Variants in COX10 observed in about 807,000 individuals in gnomAD.
COX10 encodes cytochrome c oxidase assembly factor heme A:farnesyltransferase COX10, also known as protoheme IX farnesyltransferase, mitochondrial.
COX10 carries 27 observed loss-of-function variants against 37.3 expected under a neutral mutation model. That is an observed-to-expected ratio of 0.72 (90% CI 0.53 to 1.00). The LOEUF (loss-of-function observed/expected upper bound fraction) is 1.00, where lower values mean the gene tolerates loss of function less well. Among genes scored for constraint, COX10 ranks in the 50% least tolerant of loss-of-function variants. The pLI is 0.00. For synonymous variants in COX10, 222 were observed against 229.1 expected (o/e 0.97, Z 0.28); for missense variants, 475 against 563.2 (o/e 0.84, Z 1.59).
chr17:14,149,130 C>T lies in COX10; in HGVS notation c.625-10747C>T, dbSNP rs539773760. Among the ~76,000 whole-genome samples, 5 of 151,338 alleles carry T rather than the reference C, an allele frequency of 3.3e-5. No homozygotes were observed. The South Asian group carries it at 1.0e-3, about 32-fold the overall frequency. On this transcript the variant is annotated intron_variant, in intron 4 of 6. Transcript: ENST00000261643. ...ATTTATCCATTGGTATAATCATGCCCTAGATTTTTGTCATGTGAGTATGAG... is the reference window on the plus strand; with the variant it reads ...ATTTATCCATTGGTATAATCATGCCTTAGATTTTTGTCATGTGAGTATGAG...
intron 5 of COX10, among the ~76,000 whole-genome samples, chr17:14,169,893 CATGA>C (rs1484315976): frequency 6.6e-6 from 1 of 152,146 alleles, no homozygotes; most frequent in African/African-American, 2.4e-5. Flanking sequence ...TCAGATTCTT[CATGA>C]ATGGCTTGGT....
intron 5 of COX10, among the ~76,000 whole-genome samples, chr17:14,185,672 C>T (rs1906003207): frequency 6.6e-6 from 1 of 151,392 alleles, no homozygotes; most frequent in Admixed American, 6.6e-5. Flanking sequence ...TTAACAGTTC[C>T]AAAGAGAGTC....
At chr17:14,139,342 C>G (rs1168612276) in intron 4 of COX10, among the ~76,000 whole-genome samples, 1 of 152,050 alleles carries the variant, frequency 6.6e-6, no homozygotes, top group Admixed American at 6.6e-5. Context: ...CATTAATTAA[C>G]GCTCATAATA....
At chr17:14,148,278 TCTTA>T (rs1245175050) in intron 4 of COX10, among the ~76,000 whole-genome samples, 2 of 151,874 alleles carry the variant, frequency 1.3e-5, no homozygotes, top group African/African-American at 4.8e-5. Context: ...TGGGAAGGAG[TCTTA>T]CTTAGTTTGT....
chr17:14,140,006 A>G (rs535323126), intron 4 of COX10, among the ~76,000 whole-genome samples: 1 of 152,286 alleles, frequency 6.6e-6, no homozygotes, highest in African/African-American at 2.4e-5. Context: ...CCATCTTTAC[A>G]AGGAACTTTC....
At chr17:14,100,813 G>A (rs1236840200) in intron 3 of COX10, among the ~76,000 whole-genome samples, 1 of 115,210 alleles carries the variant, frequency 8.7e-6, no homozygotes, top group Non-Finnish European at 1.8e-5. Flanking sequence ...AAGGAGACCA[G>A]TTAGGGGGTA....
intron 2 of COX10, among the ~76,000 whole-genome samples, chr17:14,076,416 G>A (rs1165547179): frequency 6.6e-6 from 1 of 150,560 alleles, no homozygotes; most frequent in Non-Finnish European, 1.5e-5. Context: ...TATTTGGAAT[G>A]TTAAGCCTCC....
rs371258759 is a variant in COX10, at chr17:14,206,967, G to T, written c.1086G>T (p.Leu362=). Residue 362 remains leucine, a synonymous_variant, in exon 7 of 7, where the codon CTG becomes CTT. Coordinates refer to ENST00000261643, the MANE Select transcript of COX10 (RefSeq NM_001303.4). ...LCRRVALRHC[L]ALLVLSAAAP... ...GGCGCGTGGCGCTGCGCCACTGCCT[G>T]GCCCTGCTCGTGCTGTCCGCAGCAG... 2 of 1,613,930 alleles carry T rather than the reference G, an allele frequency of 1.2e-6. No individual in the cohort carries two copies. The highest frequency in any genetic ancestry group is 2.7e-5 in the African/African-American group (2 of 74,936).
At chr17:14,112,651 G>T (rs185865710) in intron 4 of COX10, among the ~76,000 whole-genome samples, 5 of 152,154 alleles carry the variant, frequency 3.3e-5, no homozygotes, top group African/African-American at 1.2e-4. Context: ...GGGAGTGGCC[G>T]TTTCTACCTG....
intron 5 of COX10, among the ~76,000 whole-genome samples, chr17:14,187,639 T>C (rs1489435140): frequency 6.6e-6 from 1 of 152,234 alleles, no homozygotes; most frequent in African/African-American, 2.4e-5. Context: ...ATTGGATGTA[T>C]ATTACTTTTG....
At chr17:14,205,363 C>T (rs542495844) in intron 6 of COX10, among the ~76,000 whole-genome samples, 27 of 152,264 alleles carry the variant, frequency 1.8e-4, no homozygotes, top group African/African-American at 6.5e-4. Flanking sequence ...ACCTCTGGTC[C>T]CCTAGACTCA....
intron 4 of COX10, among the ~76,000 whole-genome samples, chr17:14,154,376 A>G (rs183178987): frequency 1.3e-5 from 2 of 152,208 alleles, no homozygotes; most frequent in Non-Finnish European, 2.9e-5. Context: ...TGACATTGCT[A>G]TGTTGTAAAA....
rs1170540019 is a variant in COX10, at chr17:14,135,196, ATTTG to A, written c.625-24678_625-24675del. Among the ~76,000 whole-genome samples, 4 of 151,818 alleles carry A rather than the reference ATTTG, an allele frequency of 2.6e-5. No individual in the cohort carries two copies. The South Asian group carries it at 8.3e-4, about 31-fold the overall frequency. ...ATTCTCTTTGCTTCTTATGTAGTTTATTTGTTCTAATGAAATATTTTATTTTAAT... is the reference window on the plus strand; with the variant it reads ...ATTCTCTTTGCTTCTTATGTAGTTTATTCTAATGAAATATTTTATTTTAAT... On this transcript the variant is annotated intron_variant, in intron 4 of 6. Transcript: ENST00000261643.
In COX10 at chr17:14,121,789, A is replaced by G. The variant is rs548644781; in HGVS notation, c.624+19547A>G. Among the ~76,000 whole-genome samples, 10 of 152,318 alleles carry G rather than the reference A, an allele frequency of 6.6e-5. No homozygotes were observed. In the South Asian group the frequency reaches 1.9e-3, roughly 28 times the overall value. Reference sequence around the variant, plus strand: ...ATTATCTCTGGCTTATGTGGTGGAAAGTGGTAGTGAATGCTTGCAAAGGCA... The same window carrying G: ...ATTATCTCTGGCTTATGTGGTGGAAGGTGGTAGTGAATGCTTGCAAAGGCA... On this transcript the variant is annotated intron_variant, in intron 4 of 6. Transcript: ENST00000261643.
intron 6 of COX10, among the ~76,000 whole-genome samples, chr17:14,194,067 C>G (rs987173127): frequency 6.6e-6 from 1 of 152,192 alleles, no homozygotes; most frequent in African/African-American, 2.4e-5. Context: ...AGAACCTTCT[C>G]TTTCTGGGAA....
chr17:14,182,164 C>G (rs1200930260), intron 5 of COX10: 11 of 979,630 alleles, frequency 1.1e-5, no homozygotes, highest in African/African-American at 7.0e-5. Flanking sequence ...CATCATGATG[C>G]ATGCCTATAA....
At chr17:14,167,179 C>T (rs947189166) in intron 5 of COX10, among the ~76,000 whole-genome samples, 2 of 152,000 alleles carry the variant, frequency 1.3e-5, no homozygotes, top group African/African-American at 4.8e-5. Flanking sequence ...AAAGAAATAG[C>T]AAGAGAATGA....
At chr17:14,119,060 C>A (rs1916173894) in intron 4 of COX10, among the ~76,000 whole-genome samples, 1 of 151,998 alleles carries the variant, frequency 6.6e-6, no homozygotes, top group Non-Finnish European at 1.5e-5. Context: ...GGAGTTTTGA[C>A]AGTTTCAGTT....
At chr17:14,188,772 G>A (rs988156337) in intron 5 of COX10, among the ~76,000 whole-genome samples, 3 of 152,172 alleles carry the variant, frequency 2.0e-5, no homozygotes, top group East Asian at 1.9e-4. Flanking sequence ...TGAGAGGAAT[G>A]AGCAGGAGCA....
Sources: allele counts gnomAD v4.1 joint callset (sites outside exome capture counted in the v4.1 genomes callset), GRCh38; gene constraint gnomAD v4.1.1; transcripts MANE v1.5; gene names NCBI Gene and HGNC (gene_info 2026-07-23, HGNC 2026-07-21).